Variants in KLRG1 observed in about 807,000 individuals in gnomAD.
The protein encoded by KLRG1 is killer cell lectin-like receptor subfamily G member 1.
A neutral mutation model predicts 21.8 loss-of-function variants in KLRG1; 16 were observed. The ratio of observed to expected loss-of-function variants is 0.73; its 90% CI spans 0.50 to 1.11. The LOEUF is 1.11. KLRG1 is among the 50% of genes most tolerant of loss of function. The probability of loss-of-function intolerance (pLI) is 0.00; values close to 1 mark genes in which losing one functional copy is unlikely to be tolerated. For missense variants in KLRG1, 173 were observed against 218.3 expected (o/e 0.79, Z 1.31); for synonymous variants, 69 against 75.9 (o/e 0.91, Z 0.47).
chr12:9,150,788 CCTT>C, the KLRG1 span: 14 of 1,244,182 alleles, frequency 1.1e-5, no homozygotes, highest in Non-Finnish European at 1.7e-5. Context: ...TAGAAAACCT[CCTT>C]CTTTCTCCCA....
chr12:9,089,958 G>A, the KLRG1 span: 3 of 1,612,412 alleles, frequency 1.9e-6, no homozygotes, highest in Non-Finnish European at 2.5e-6. Flanking sequence ...GGAACTGAAG[G>A]CACCTCAGTC....
the KLRG1 span, among the ~76,000 whole-genome samples, chr12:9,020,749 C>T: frequency 6.6e-6 from 1 of 152,128 alleles, no homozygotes; most frequent in East Asian, 1.9e-4. Context: ...TTTGAATGGA[C>T]ATAGTCTTTC....
chr12:9,101,826 G>C, the KLRG1 span, among the ~76,000 whole-genome samples: 24,026 of 152,106 alleles, frequency 0.16, 2,024 homozygotes, highest in Middle Eastern at 0.21. Flanking sequence ...CCCTGATTTT[G>C]TTTCTCTGCT....
At chr12:9,069,360 G>A in the KLRG1 span, among the ~76,000 whole-genome samples, 1 of 152,152 alleles carries the variant, frequency 6.6e-6, no homozygotes, top group South Asian at 2.1e-4. Flanking sequence ...TCAAGTCCTT[G>A]TGGAGACTGA....
the KLRG1 span, among the ~76,000 whole-genome samples, chr12:9,117,385 T>C: frequency 6.6e-6 from 1 of 152,302 alleles, no homozygotes; most frequent in East Asian, 1.9e-4. Context: ...AGGTGAAAGC[T>C]GATGGCATTT....
At chr12:9,127,893 A>G in the KLRG1 span, 5 of 317,420 alleles carry the variant, frequency 1.6e-5, no homozygotes, top group South Asian at 1.5e-4. Flanking sequence ...CTACTTCAAG[A>G]CCATTGAAGA....
chr12:9,182,893 A>G, the KLRG1 span, among the ~76,000 whole-genome samples: 1 of 152,292 alleles, frequency 6.6e-6, no homozygotes, highest in South Asian at 2.1e-4. Context: ...ACTCTCTGGT[A>G]TTATTTCCAT....
the KLRG1 span, chr12:9,066,667 T>C: frequency 6.6e-6 from 1 of 152,246 alleles, no homozygotes; most frequent in Non-Finnish European, 1.5e-5. Context: ...AAAGATCCCA[T>C]AATGCTGATA....
At chr12:8,992,530 C>T (rs958422013) in intron 2 of KLRG1, among the ~76,000 whole-genome samples, 1 of 151,792 alleles carries the variant, frequency 6.6e-6, no homozygotes, top group African/African-American at 2.4e-5. Context: ...CTCAATCAGC[C>T]AGGCTGTAGG....
the KLRG1 span, among the ~76,000 whole-genome samples, chr12:9,018,070 C>T: frequency 1.3e-5 from 2 of 152,070 alleles, no homozygotes; most frequent in Non-Finnish European, 2.9e-5. Context: ...GAAAACCATA[C>T]AGTGAAAACT....
the KLRG1 span, among the ~76,000 whole-genome samples, chr12:9,070,783 T>A: frequency 6.6e-6 from 1 of 151,972 alleles, no homozygotes; most frequent in African/African-American, 2.4e-5. Flanking sequence ...ACTCTAGACC[T>A]GATGAATCAG....
At chr12:8,953,578 G>A (rs1277799514) in intron 1 of KLRG1, among the ~76,000 whole-genome samples, 1 of 152,110 alleles carries the variant, frequency 6.6e-6, no homozygotes, top group African/African-American at 2.4e-5. Flanking sequence ...GGTTTCACTG[G>A]GGATCTGCCT....
intron 2 of KLRG1, 129 bp downstream of exon 2, chr12:8,992,439 C>A: frequency 1.6e-6 from 1 of 617,776 alleles, no homozygotes; most frequent in Non-Finnish European, 2.8e-6. Flanking sequence ...ACAGCTATTT[C>A]CTGGGTATAG....
chr12:9,165,349 C>T, the KLRG1 span: 1 of 1,614,082 alleles, frequency 6.2e-7, no homozygotes, highest in Non-Finnish European at 8.5e-7. Flanking sequence ...TTACTCCTAC[C>T]TCAGCCACAC....
intron 3 of KLRG1, among the ~76,000 whole-genome samples, chr12:9,000,665 G>A (rs1219067240): frequency 2.0e-5 from 3 of 152,152 alleles, no homozygotes; most frequent in African/African-American, 7.2e-5. Flanking sequence ...TTAGAACACT[G>A]TTTTCAAGGT....
the KLRG1 span, chr12:9,169,507 G>A: frequency 9.3e-6 from 15 of 1,611,942 alleles, no homozygotes; most frequent in East Asian, 4.5e-5. Context: ...AAGAAAGGAC[G>A]GGGACAGTGT....
the KLRG1 span, among the ~76,000 whole-genome samples, chr12:9,044,249 T>C: frequency 2.0e-5 from 3 of 152,164 alleles, no homozygotes; most frequent in Non-Finnish European, 1.5e-5. Context: ...ATGCAAATTA[T>C]ATGAATAGGT....
At chr12:9,155,120 T>G in the KLRG1 span, among the ~76,000 whole-genome samples, 1 of 152,308 alleles carries the variant, frequency 6.6e-6, no homozygotes, top group African/African-American at 2.4e-5. Context: ...AAGAGAAAAG[T>G]GGTAGAGAGA....
chr12:9,043,715 T>G, the KLRG1 span, among the ~76,000 whole-genome samples: 2 of 152,260 alleles, frequency 1.3e-5, no homozygotes, highest in Non-Finnish European at 1.5e-5. Flanking sequence ...TCTTCTTGAA[T>G]CCTAGCTGAC....
Sources: gnomAD v4.1 joint callset for allele counts (sites outside exome capture counted in the v4.1 genomes callset) on GRCh38, gnomAD v4.1.1 for gene constraint, MANE v1.5 for transcripts, NCBI Gene and HGNC (gene_info 2026-07-23, HGNC 2026-07-21) for gene names.